RBM47: variants seen among roughly 807,000 people sequenced by gnomAD.
RBM47 encodes RNA binding motif protein 47.
RBM47 carries 21 observed loss-of-function variants against 47.1 expected under a neutral mutation model. That is an observed-to-expected ratio of 0.45 (90% CI 0.32 to 0.64). The LOEUF (loss-of-function observed/expected upper bound fraction) is 0.64, where lower values mean the gene tolerates loss of function less well. RBM47 is among the 30% of genes least tolerant of loss of function. The pLI, the probability that RBM47 is intolerant of heterozygous loss-of-function variation, is 0.05. For synonymous variants in RBM47, 375 were observed against 361.7 expected (o/e 1.04, Z -0.42); for missense variants, 708 against 870.9 (o/e 0.81, Z 2.35).
intron 1 of RBM47, among the ~76,000 whole-genome samples, chr4:40,548,555 A>T (rs1382473455): frequency 2.0e-5 from 3 of 152,242 alleles, no homozygotes; most frequent in Admixed American, 2.0e-4. Flanking sequence ...AGACATAGGG[A>T]TGCTTGCCGG....
intron 1 of RBM47, among the ~76,000 whole-genome samples, chr4:40,587,156 G>C (rs1733671481): frequency 6.6e-6 from 1 of 152,152 alleles, no homozygotes; most frequent in African/African-American, 2.4e-5. Context: ...TCTGAACTGG[G>C]GCTGAGGAGG....
At chr4:40,472,558 G>A (rs278961) in intron 2 of RBM47, among the ~76,000 whole-genome samples, 76,441 of 143,880 alleles carry the variant, frequency 0.53, 21,623 homozygotes, top group African/African-American at 0.75. Context: ...GTGATGCTCT[G>A]TCTCAAAAAA....
chr4:40,510,109 C>T (rs555670572), intron 2 of RBM47, among the ~76,000 whole-genome samples: 3 of 150,554 alleles, frequency 2.0e-5, no homozygotes, highest in African/African-American at 4.9e-5. Context: ...ACTGCTTGAA[C>T]CTAGGAGGCG....
At chr4:40,533,751 C>T (rs1448825131) in intron 2 of RBM47, among the ~76,000 whole-genome samples, 1 of 152,022 alleles carries the variant, frequency 6.6e-6, no homozygotes, top group Non-Finnish European at 1.5e-5. Context: ...TCCTTGCATC[C>T]TAGACCCTTG....
chr4:40,512,877 G>A (rs1188636860), intron 2 of RBM47, among the ~76,000 whole-genome samples: 1 of 152,100 alleles, frequency 6.6e-6, no homozygotes, highest in African/African-American at 2.4e-5. Context: ...CAATCTAAGT[G>A]CACCTGTGTA....
At chr4:40,593,102 C>G (rs1438732987) in intron 1 of RBM47, among the ~76,000 whole-genome samples, 1 of 143,734 alleles carries the variant, frequency 7.0e-6, no homozygotes, top group East Asian at 2.1e-4. Context: ...TCACGCCATT[C>G]TCCTGCCTCA....
Position 40,438,888 on chromosome 4 carries a change from G to A in RBM47, c.6C>T (p.Thr2=). The A allele has an allele frequency of 6.5e-7, 1 of 1,546,542 alleles. No individual in the cohort carries two copies. The highest frequency in any genetic ancestry group is 8.7e-7 in the Non-Finnish European group (1 of 1,151,230). Reference sequence around the variant, plus strand: ...TCATGGCTGCGGTGGAATCCTCTGCGGTCATAATGTCAAAGGCATCCACAG... The same window carrying A: ...TCATGGCTGCGGTGGAATCCTCTGCAGTCATAATGTCAAAGGCATCCACAG... M[T]AEDSTAAMSS... Residue 2 remains threonine, a synonymous_variant, in exon 4 of 7, where the codon ACC becomes ACT. Transcript: ENST00000295971.
chr4:40,570,726 T>C (rs1227801944), intron 1 of RBM47, among the ~76,000 whole-genome samples: 3 of 152,026 alleles, frequency 2.0e-5, no homozygotes, highest in Non-Finnish European at 4.4e-5. Context: ...ATCATGATAA[T>C]GTTTTAAGGG....
chr4:40,573,807 A>AAAGAAAAGAAAGAAAG (rs148001440), intron 1 of RBM47, among the ~76,000 whole-genome samples: 1 of 136,662 alleles, frequency 7.3e-6, no homozygotes, highest in Admixed American at 7.5e-5. Context: ...GAAAGAAAGA[A>AAAGAAAAGAAAGAAAG]AAAGAAAGAA....
intron 1 of RBM47, among the ~76,000 whole-genome samples, chr4:40,618,808 CAAAAAAAAAAAAA>C (rs35543412): frequency 3.6e-5 from 1 of 27,594 alleles, no homozygotes; most frequent in Non-Finnish European, 6.8e-5. Flanking sequence ...GACTCCATCT[CAAAAAAAAAAAAA>C]AAAAAAAAAA....
intron 1 of RBM47, among the ~76,000 whole-genome samples, chr4:40,556,851 C>T (rs1730144568): frequency 6.6e-6 from 1 of 151,782 alleles, no homozygotes; most frequent in Non-Finnish European, 1.5e-5. Context: ...GTTTGCGCCA[C>T]GGCACTCCAG....
intron 4 of RBM47, 94 bp downstream of exon 4, chr4:40,437,677 A>C: frequency 7.6e-7 from 1 of 1,322,094 alleles, no homozygotes; most frequent in Middle Eastern, 2.5e-4. Context: ...AGCACCTACC[A>C]GCTCAGCAAA....
intron 3 of RBM47, among the ~76,000 whole-genome samples, chr4:40,459,412 G>A (rs1384177892): frequency 6.6e-6 from 1 of 151,972 alleles, no homozygotes; most frequent in Non-Finnish European, 1.5e-5. Flanking sequence ...ACTAAGTTTT[G>A]TGGGAGAGCC....
At chr4:40,472,442 C>T (rs763732150) in intron 2 of RBM47, among the ~76,000 whole-genome samples, 7 of 151,422 alleles carry the variant, frequency 4.6e-5, no homozygotes, top group Non-Finnish European at 7.4e-5. Flanking sequence ...GGCATGGTGG[C>T]GCATACCTGT....
intron 1 of RBM47, among the ~76,000 whole-genome samples, chr4:40,568,695 G>C: frequency 6.6e-6 from 1 of 151,842 alleles, no homozygotes; most frequent in East Asian, 1.9e-4. Flanking sequence ...AGCACTACCA[G>C]ATATTAAAAC....
chr4:40,478,396 C>T (rs1419081617), intron 2 of RBM47, among the ~76,000 whole-genome samples: 3 of 152,024 alleles, frequency 2.0e-5, no homozygotes, highest in South Asian at 2.1e-4. Context: ...TACAAAGCAT[C>T]TTTGATTTAG....
At position 40,438,269 on chromosome 4, in the gene RBM47, T is replaced by C. The variant is rs1387002271; in HGVS notation, c.625A>G (p.Met209Val). 1.2e-6 allele frequency: 2 copies of C among 1,603,840 alleles called. No individual in the cohort carries two copies. Among genetic ancestry groups the C allele is most frequent in the East Asian group, 2.2e-5 (1 of 44,862 alleles). The change falls in exon 4 of 7, where the codon ATG (methionine) becomes GTG (valine). Residue 209 changes from methionine (M) to valine (V), a missense_variant. Met to Val is a conservative substitution (Grantham distance 21, BLOSUM62 1). Transcript: ENST00000295971. ...CCAGGCATGAGCTTGCGGCGAGCCATGGCAGCCGCGCGGTGGCTCTCGTAC... is the reference window on the plus strand; with the variant it reads ...CCAGGCATGAGCTTGCGGCGAGCCACGGCAGCCGCGCGGTGGCTCTCGTAC... ...VEYESHRAAA[M>V]ARRKLMPGRI...
intron 2 of RBM47, among the ~76,000 whole-genome samples, chr4:40,504,658 T>C (rs991101114): frequency 1.3e-5 from 2 of 152,182 alleles, no homozygotes. Context: ...TTTTGTGAAT[T>C]AGACTGTTTA....
At chr4:40,576,322 T>C (rs3828533) in intron 1 of RBM47, among the ~76,000 whole-genome samples, 81 of 149,598 alleles carry the variant, frequency 5.4e-4, no homozygotes, top group African/African-American at 1.9e-3. Context: ...ATCAATTTTT[T>C]AAAAAAATTT....
Sources: allele counts gnomAD v4.1 joint callset (sites outside exome capture counted in the v4.1 genomes callset), GRCh38; gene constraint gnomAD v4.1.1; transcripts MANE v1.5; gene names NCBI Gene and HGNC (gene_info 2026-07-23, HGNC 2026-07-21).